Variants in PKD1L1 observed in about 807,000 individuals in gnomAD.
PKD1L1 encodes the protein polycystin 1 like 1, transient receptor potential channel interacting, also known as polycystin-1-like protein 1.
A neutral mutation model predicts 323.4 loss-of-function variants in PKD1L1; 236 were observed. The ratio of observed to expected loss-of-function variants is 0.73; its 90% CI spans 0.66 to 0.81. The LOEUF is 0.81. Ranked by LOEUF, PKD1L1 falls within the 40% of genes least tolerant of loss-of-function variation. The pLI is 0.00. For synonymous variants in PKD1L1, 1,344 were observed against 1,335.0 expected (o/e 1.01, Z -0.15); for missense variants, 3,320 against 3,508.0 (o/e 0.95, Z 1.35).
chr7:47,945,709 A>G (rs1380353623), intron 1 of PKD1L1, among the ~76,000 whole-genome samples: 1 of 152,232 alleles, frequency 6.6e-6, no homozygotes, highest in African/African-American at 2.4e-5. Flanking sequence ...ACCTCTGTCC[A>G]CCACGTGCGC....
chr7:47,843,300 G>C (rs1233628406), intron 33 of PKD1L1, 131 bp from the exon 34 acceptor site: 9 of 714,624 alleles, frequency 1.3e-5, no homozygotes, highest in Non-Finnish European at 1.8e-5. Flanking sequence ...TTTTACACTT[G>C]CTGGAAGCTG....
At chr7:47,867,429 C>A (rs1359093665) in intron 24 of PKD1L1, among the ~76,000 whole-genome samples, 1 of 152,142 alleles carries the variant, frequency 6.6e-6, no homozygotes, top group African/African-American at 2.4e-5. Context: ...AACATATAAA[C>A]CAATGACCAA....
intron 31 of PKD1L1, 44 bp from the exon 32 acceptor site, chr7:47,847,115 C>T: frequency 2.1e-6 from 3 of 1,457,448 alleles, no homozygotes; most frequent in South Asian, 1.5e-5. Context: ...CTGAGGTTTG[C>T]AGAAAGGCAT....
the PKD1L1 span, among the ~76,000 whole-genome samples, chr7:47,958,947 G>A: frequency 1.1e-4 from 16 of 152,288 alleles, no homozygotes; most frequent in Non-Finnish European, 5.9e-5. Context: ...TCAGCCTGCC[G>A]AGTGCCTGCG....
In PKD1L1 at chr7:47,792,765, T is replaced by C. The variant is rs1786981289; in HGVS notation, c.8388A>G (p.Leu2796=). ...NYYLDEFANL[L]DELLMKINGL... ...CATTAATCTTCATCAGAAGTTCGTC[T>C]AACAGATTTGCAAATTCATCCAAGT... Residue 2796 remains leucine, a synonymous_variant, in exon 56 of 57, where the codon TTA becomes TTG. Transcript: ENST00000289672. The C allele has an allele frequency of 6.2e-7, 1 of 1,613,830 alleles. No individual in the cohort carries two copies. The highest frequency in any genetic ancestry group is 8.5e-7 in the Non-Finnish European group (1 of 1,179,890).
rs1785425237 is a variant in PKD1L1, at chr7:47,834,959, A to G, written c.6127+8T>C. 1 of 1,612,792 alleles carries G rather than the reference A, an allele frequency of 6.2e-7. No individual in the cohort carries two copies. The highest frequency in any genetic ancestry group is 8.5e-7 in the Non-Finnish European group (1 of 1,178,996). On this transcript the variant is annotated splice_region_variant and intron_variant, in intron 39 of 56. Coordinates refer to ENST00000289672, the MANE Select transcript of PKD1L1 (RefSeq NM_138295.5). ...GGAGAGTTTCTGAGAGTTTTAATGT[A>G]CATTTACCATGGGGTGCCTCGGTCT...
chr7:47,886,215 C>T (rs981597789), intron 17 of PKD1L1, among the ~76,000 whole-genome samples, 161 bp from the exon 18 acceptor site: 4 of 152,000 alleles, frequency 2.6e-5, no homozygotes, highest in Non-Finnish European at 4.4e-5. Context: ...GTGGTGTTGG[C>T]GTGTTCTGTG....
intron 37 of PKD1L1, 96 bp downstream of exon 37, chr7:47,836,825 T>C: frequency 7.1e-7 from 1 of 1,410,048 alleles, no homozygotes. Context: ...TAAACTTTTC[T>C]CGGAGAACTG....
At chr7:47,864,601 TTTC>T (rs1228759876) in intron 26 of PKD1L1, among the ~76,000 whole-genome samples, 1 of 104,634 alleles carries the variant, frequency 9.6e-6, no homozygotes, top group African/African-American at 4.8e-5. Flanking sequence ...TCTTTCTTTC[TTTC>T]TTTCTTTCTT....
At chr7:47,780,105 C>T (rs1786657800) in intron 56 of PKD1L1, among the ~76,000 whole-genome samples, 1 of 152,060 alleles carries the variant, frequency 6.6e-6, no homozygotes, top group South Asian at 2.1e-4. Context: ...CTCCTATGTA[C>T]CTTTTACCAG....
At chr7:47,809,676 T>C (rs1784853716) in intron 50 of PKD1L1, 99 bp from the exon 51 acceptor site, 3 of 832,576 alleles carry the variant, frequency 3.6e-6, no homozygotes, top group Non-Finnish European at 5.4e-6. Flanking sequence ...CAATCACCTT[T>C]GAGTAGCTAG....
chr7:47,816,782 CTA>C (rs778593839), intron 46 of PKD1L1, among the ~76,000 whole-genome samples: 2 of 152,226 alleles, frequency 1.3e-5, no homozygotes, highest in Admixed American at 6.5e-5. Flanking sequence ...AATGAACACA[CTA>C]TGAATCATTC....
In PKD1L1 at chr7:47,774,994, T is replaced by A; in HGVS notation, c.*149A>T. ...CCTTGATTTTCATCCTGGTTTCCCATTTACTTGTTACGTGAACTGGAAAAA... is the reference window on the plus strand; with the variant it reads ...CCTTGATTTTCATCCTGGTTTCCCAATTACTTGTTACGTGAACTGGAAAAA... On this transcript the variant is annotated 3_prime_UTR_variant, in exon 57 of 57. Coordinates refer to ENST00000289672, the MANE Select transcript of PKD1L1 (RefSeq NM_138295.5). 1 of 778,920 alleles carries A rather than the reference T, an allele frequency of 1.3e-6. No homozygotes were observed. The highest frequency in any genetic ancestry group is 2.2e-6 in the Non-Finnish European group (1 of 464,014). 48.3% of individuals were successfully genotyped at this position (778,920 alleles called of 1,614,324 possible).
chr7:47,954,251 T>G, the PKD1L1 span, among the ~76,000 whole-genome samples: 1 of 151,912 alleles, frequency 6.6e-6, no homozygotes, highest in African/African-American at 2.4e-5. Flanking sequence ...TAGCAGCGTA[T>G]TTTCACTGAG....
chr7:47,786,304 G>A (rs899867325), intron 56 of PKD1L1, among the ~76,000 whole-genome samples: 2 of 152,148 alleles, frequency 1.3e-5, no homozygotes, highest in Non-Finnish European at 2.9e-5. Context: ...TTACAAACTG[G>A]CAAGTTAAAG....
intron 51 of PKD1L1, among the ~76,000 whole-genome samples, chr7:47,808,762 T>C (rs1030903889): frequency 6.6e-6 from 1 of 152,234 alleles, no homozygotes; most frequent in Admixed American, 6.5e-5. Context: ...GATCCACCTG[T>C]ATCAGCACTT....
chr7:47,835,325 A>T, intron 37 of PKD1L1, 82 bp from the exon 38 acceptor site: 12 of 806,964 alleles, frequency 1.5e-5, no homozygotes, highest in Non-Finnish European at 2.2e-5. Flanking sequence ...TTACAAATAC[A>T]TGTAATGTGA....
intron 7 of PKD1L1, among the ~76,000 whole-genome samples, chr7:47,927,095 A>T (rs975572906): frequency 1.3e-5 from 2 of 152,222 alleles, no homozygotes; most frequent in Non-Finnish European, 2.9e-5. Context: ...CCATGAGAGA[A>T]TTGTTCCATA....
chr7:47,860,085 C>G (rs1254009566), intron 26 of PKD1L1, among the ~76,000 whole-genome samples: 2 of 152,084 alleles, frequency 1.3e-5, no homozygotes, highest in South Asian at 2.1e-4. Flanking sequence ...TATTTAGAAG[C>G]AAAAAGCAAA....
Sources: gnomAD v4.1 joint callset for allele counts (sites outside exome capture counted in the v4.1 genomes callset) on GRCh38, gnomAD v4.1.1 for gene constraint, MANE v1.5 for transcripts, NCBI Gene and HGNC (gene_info 2026-07-23, HGNC 2026-07-21) for gene names.